PBX3: variants seen among roughly 807,000 people sequenced by gnomAD.
PBX3 encodes pre-B-cell leukemia transcription factor 3.
Under a neutral mutation model 48.5 loss-of-function variants are expected in PBX3, and 14 were observed. The ratio of observed to expected loss-of-function variants is 0.29; its 90% confidence interval spans 0.19 to 0.45. PBX3 has a LOEUF of 0.45. Among genes scored for constraint, PBX3 ranks in the 20% least tolerant of loss-of-function variants. The pLI, the probability that PBX3 is intolerant of heterozygous loss-of-function variation, is 1.00. For missense variants in PBX3, 386 were observed against 546.7 expected (o/e 0.71, Z 2.93); for synonymous variants, 210 against 200.3 (o/e 1.05, Z -0.41).
chr9:125,809,318 A>G (rs999675169), intron 2 of PBX3, among the ~76,000 whole-genome samples: 1 of 152,186 alleles, frequency 6.6e-6, no homozygotes, highest in African/African-American at 2.4e-5. Context: ...TTGTAAATAT[A>G]GAGTGACTTT....
At chr9:125,870,360 C>T (rs1424805200) in intron 2 of PBX3, among the ~76,000 whole-genome samples, 3 of 152,138 alleles carry the variant, frequency 2.0e-5, no homozygotes, top group Non-Finnish European at 4.4e-5. Context: ...TGAGCCACCA[C>T]GCCCAGCTGA....
chr9:125,813,253 ATTAATTTTTTTTACTTT>A (rs1173285760), intron 2 of PBX3, among the ~76,000 whole-genome samples: 1 of 150,436 alleles, frequency 6.6e-6, no homozygotes, highest in African/African-American at 2.5e-5. Context: ...TAACCTTTTT[ATTAATTTTTTTTACTTT>A]TTAATTTTTT....
chr9:125,831,267 G>C (rs62567226), intron 2 of PBX3, among the ~76,000 whole-genome samples: 10,689 of 152,274 alleles, frequency 0.07, 520 homozygotes, highest in Non-Finnish European at 0.11. Context: ...TGATTGATCA[G>C]TGGATTAGGT....
intron 2 of PBX3, among the ~76,000 whole-genome samples, chr9:125,850,641 A>C (rs1467673926): frequency 6.6e-6 from 1 of 152,064 alleles, no homozygotes; most frequent in African/African-American, 2.4e-5. Flanking sequence ...TTTAGTAAGA[A>C]TAAAGTCAGT....
intron 2 of PBX3, among the ~76,000 whole-genome samples, chr9:125,903,658 G>T (rs1841002751): frequency 6.6e-6 from 1 of 151,802 alleles, no homozygotes; most frequent in South Asian, 2.1e-4. Context: ...TTAAACAAAA[G>T]AAGTAAGTTA....
chr9:125,800,624 C>T lies in PBX3; in HGVS notation c.274+52001C>T, dbSNP rs553413233. ...CTGCTAGTGGAGAGAATTTCTCTAT[C>T]CAGGAGAAGTTTTTTTTTTATAGCT... On this transcript the variant is annotated intron_variant, in intron 2 of 8. Coordinates refer to ENST00000373489, the MANE Select transcript of PBX3 (RefSeq NM_006195.6). Among the ~76,000 whole-genome samples the T allele has an allele frequency of 1.5e-3, 231 of 152,098 alleles. 1 individual carries two copies. Among genetic ancestry groups the T allele is most frequent in the Non-Finnish European group, 1.7e-3 (115 of 68,014 alleles).
In PBX3 at chr9:125,747,546, G is replaced by A. The variant is rs1265796982; in HGVS notation, c.93G>A (p.Pro31=). The change falls in exon 1 of 9, where the codon CCG becomes CCA. Residue 31 remains proline, a synonymous_variant. Coordinates refer to ENST00000373489, the MANE Select transcript of PBX3 (RefSeq NM_006195.6). Reference sequence around the variant, plus strand: ...GGGGCATGGCCCTGCCGCCTCCCCCGCACGGCCACGAAGGGGCGGACGGCG... The same window carrying A: ...GGGGCATGGCCCTGCCGCCTCCCCCACACGGCCACGAAGGGGCGGACGGCG... ...VQGGMALPPP[P]HGHEGADGDG... 6.2e-7 allele frequency: 1 copy of A among 1,605,216 alleles called. No homozygotes were observed.
chr9:125,828,746 A>G (rs1227780682), intron 2 of PBX3, among the ~76,000 whole-genome samples: 2 of 152,220 alleles, frequency 1.3e-5, no homozygotes, highest in Non-Finnish European at 2.9e-5. Context: ...TAGAATGTTC[A>G]GTTTATTCAA....
At chr9:125,821,344 T>A (rs965868560) in intron 2 of PBX3, among the ~76,000 whole-genome samples, 2 of 152,086 alleles carry the variant, frequency 1.3e-5, no homozygotes, top group Non-Finnish European at 2.9e-5. Context: ...AAGAAACGCA[T>A]AGAGGTATAA....
chr9:125,857,639 T>G (rs940378929), intron 2 of PBX3, among the ~76,000 whole-genome samples: 2 of 152,202 alleles, frequency 1.3e-5, no homozygotes, highest in African/African-American at 4.8e-5. Flanking sequence ...TAAAAGCCAC[T>G]CCTATTTACA....
chr9:125,907,699 G>A (rs1033982028), intron 2 of PBX3, among the ~76,000 whole-genome samples: 1 of 152,032 alleles, frequency 6.6e-6, no homozygotes, highest in African/African-American at 2.4e-5. Flanking sequence ...ATGTTCTCCA[G>A]TATTGTAATT....
chr9:125,763,919 A>G (rs1313380739), intron 2 of PBX3, among the ~76,000 whole-genome samples: 1 of 152,232 alleles, frequency 6.6e-6, no homozygotes, highest in Non-Finnish European at 1.5e-5. Flanking sequence ...GTGGAAGCTT[A>G]AAAGGATATT....
chr9:125,863,210 G>T (rs1004997459), intron 2 of PBX3, among the ~76,000 whole-genome samples: 3 of 141,432 alleles, frequency 2.1e-5, no homozygotes, highest in African/African-American at 8.4e-5. Flanking sequence ...CACATGACAT[G>T]ATTTTTTTTT....
rs1203343591 is a variant in PBX3, at chr9:125,899,285, ATATT to A, written c.275-16397_275-16394del. ...TATATATAAATATACATATGTATAT[ATATT>A]TATATATAAATATACATATATGTAT... On this transcript the variant is annotated intron_variant, in intron 2 of 8. Transcript: ENST00000373489. 2.4e-5 allele frequency among the ~76,000 whole-genome samples: 3 copies of A among 122,758 alleles called. 1 individual carries two copies. Among genetic ancestry groups the A allele is most frequent in the Non-Finnish European group, 3.4e-5 (2 of 59,010 alleles). The allele number at this position is 122,758 out of a possible 152,430, so 80.5% of individuals were successfully genotyped here.
intron 2 of PBX3, among the ~76,000 whole-genome samples, chr9:125,789,606 A>C (rs1397550538): frequency 6.6e-6 from 1 of 152,076 alleles, no homozygotes; most frequent in African/African-American, 2.4e-5. Context: ...TTGTAACCTA[A>C]TCTTGGAATC....
chr9:125,893,062 C>T (rs1287301941), intron 2 of PBX3, among the ~76,000 whole-genome samples: 2 of 152,090 alleles, frequency 1.3e-5, no homozygotes, highest in African/African-American at 2.4e-5. Flanking sequence ...ACTGATTTCC[C>T]TTTTTTCTGT....
At chr9:125,780,809 G>T (rs1837267260) in intron 2 of PBX3, among the ~76,000 whole-genome samples, 1 of 147,586 alleles carries the variant, frequency 6.8e-6, no homozygotes, top group East Asian at 2.1e-4. Flanking sequence ...CGGGGCGGCT[G>T]CCGGGCGGAG....
chr9:125,901,690 C>G (rs1840949273), intron 2 of PBX3, among the ~76,000 whole-genome samples: 1 of 151,690 alleles, frequency 6.6e-6, no homozygotes, highest in Non-Finnish European at 1.5e-5. Context: ...TACATGTTTT[C>G]TAGAGGGTCT....
chr9:125,761,312 A>G (rs1836660941), intron 2 of PBX3, among the ~76,000 whole-genome samples: 1 of 151,874 alleles, frequency 6.6e-6, no homozygotes, highest in African/African-American at 2.4e-5. Flanking sequence ...AGAGTGATCT[A>G]TTGCATTTGA....
Sources: allele counts gnomAD v4.1 joint callset (sites outside exome capture counted in the v4.1 genomes callset), GRCh38; gene constraint gnomAD v4.1.1; transcripts MANE v1.5; gene names NCBI Gene and HGNC (gene_info 2026-07-23, HGNC 2026-07-21).